KCNMA1: variants seen among roughly 807,000 people sequenced by gnomAD.
KCNMA1 encodes the protein potassium calcium-activated channel subfamily M alpha 1, also known as Calcium-activated potassium channel subunit alpha-1.
KCNMA1 carries 29 observed loss-of-function variants against 140.0 expected under a neutral mutation model. The ratio of observed to expected loss-of-function variants is 0.21; its 90% confidence interval spans 0.15 to 0.28. KCNMA1 has a LOEUF of 0.28. Ranked by LOEUF, KCNMA1 falls within the 10% of genes least tolerant of loss-of-function variation. The pLI, the probability that KCNMA1 is intolerant of heterozygous loss-of-function variation, is 1.00. For missense variants in KCNMA1, 880 were observed against 1,602.2 expected, an observed-to-expected ratio of 0.55 and a Z score of 7.70; for synonymous variants, 612 against 611.9, an observed-to-expected ratio of 1.00 and a Z score of 0.00.
At chr10:77,267,177 G>C (rs1012282917) in intron 2 of KCNMA1, among the ~76,000 whole-genome samples, 1 of 152,138 alleles carries the variant, frequency 6.6e-6, no homozygotes, top group African/African-American at 2.4e-5. Context: ...CTTCCCCCAT[G>C]GATGCTTGTT....
chr10:77,616,440 T>G (rs2089522897), intron 1 of KCNMA1, among the ~76,000 whole-genome samples: 1 of 152,192 alleles, frequency 6.6e-6, no homozygotes, highest in Admixed American at 6.5e-5. Context: ...CCCTCAGCAT[T>G]TAACACATGA....
chr10:76,890,598 A>C (rs1207444126), intron 26 of KCNMA1, among the ~76,000 whole-genome samples: 1 of 152,224 alleles, frequency 6.6e-6, no homozygotes, highest in Non-Finnish European at 1.5e-5. Context: ...CTGTTTCAGA[A>C]AAAACAGAGA....
intron 2 of KCNMA1, among the ~76,000 whole-genome samples, chr10:77,373,329 C>T (rs955618993): frequency 3.3e-5 from 5 of 152,182 alleles, no homozygotes; most frequent in Non-Finnish European, 5.9e-5. Context: ...GCAAGTCCCT[C>T]CCTCCCCTCT....
chr10:77,296,089 G>C lies in KCNMA1; in HGVS notation c.541-44833C>G, dbSNP rs374943036. Among the ~76,000 whole-genome samples the C allele has an allele frequency of 7.2e-5, 11 of 152,230 alleles. No homozygotes were observed. In the South Asian group the frequency reaches 1.5e-3, roughly 20 times the overall value. On this transcript the variant is annotated intron_variant, in intron 2 of 27. Coordinates refer to ENST00000286628, the MANE Select transcript of KCNMA1 (RefSeq NM_001161352.2). ...TAATCCCAAGAACCCATGAATATGT[G>C]ACCTTACATGGCAAAAGGGGTTTGC...
At chr10:77,004,028 A>G (rs767746606) in intron 18 of KCNMA1, among the ~76,000 whole-genome samples, 11 of 152,290 alleles carry the variant, frequency 7.2e-5, no homozygotes, top group Non-Finnish European at 1.0e-4. Flanking sequence ...ACAGGCTGAA[A>G]CTGGTAATCG....
intron 25 of KCNMA1, among the ~76,000 whole-genome samples, chr10:76,892,383 T>A (rs781142860): frequency 2.6e-5 from 4 of 152,148 alleles, no homozygotes; most frequent in Non-Finnish European, 5.9e-5. Flanking sequence ...AAGTGTACAT[T>A]TGTGTCACAT....
At chr10:77,346,010 C>T (rs2092056114) in intron 2 of KCNMA1, among the ~76,000 whole-genome samples, 1 of 152,202 alleles carries the variant, frequency 6.6e-6, no homozygotes, top group African/African-American at 2.4e-5. Context: ...ATACATACTC[C>T]CTTCCTGAAA....
chr10:76,949,171 G>C lies in KCNMA1; in HGVS notation c.2680C>G (p.His894Asp). The C allele has an allele frequency of 6.2e-7, 1 of 1,613,992 alleles. No homozygotes were observed. The highest frequency in any genetic ancestry group is 8.5e-7 in the Non-Finnish European group (1 of 1,179,834). ...AATATGGACACTTTGGGGAAGTTAT[G>C]AAGCGTCTCCCATTCCCGCTTGAGG... ...EYLKREWETL[H>D]NFPKVSILPG... Residue 894 changes from histidine (H) to aspartate (D), a missense_variant, in exon 22 of 28, where the codon CAT (histidine) becomes GAT (aspartate). Around this residue, in one of 13 missense-constraint regions of KCNMA1, gnomAD observed 82 missense variants for 170.1 expected, o/e 0.48. Coordinates refer to ENST00000286628, the MANE Select transcript of KCNMA1 (RefSeq NM_001161352.2).
chr10:77,347,731 T>A lies in KCNMA1; in HGVS notation c.540+56131A>T, dbSNP rs79131886. 2.3e-3 allele frequency among the ~76,000 whole-genome samples: 350 copies of A among 152,320 alleles called. 1 individual carries two copies. The highest frequency in any genetic ancestry group is 8.3e-3 in the African/African-American group (346 of 41,574). ...AGGATTCTTATACTACCCCATGCTC[T>A]ATGACATGATAAGAAGACAGTACCA... On this transcript the variant is annotated intron_variant, in intron 2 of 27. Transcript: ENST00000286628.
At chr10:77,329,135 C>T (rs565060276) in intron 2 of KCNMA1, among the ~76,000 whole-genome samples, 7 of 152,196 alleles carry the variant, frequency 4.6e-5, no homozygotes, top group South Asian at 2.1e-4. Flanking sequence ...CCACTGCGCC[C>T]GGTCAATATA....
intron 2 of KCNMA1, among the ~76,000 whole-genome samples, chr10:77,271,968 T>C (rs2065273428): frequency 6.6e-6 from 1 of 152,182 alleles, no homozygotes; most frequent in Non-Finnish European, 1.5e-5. Context: ...TTTCTCCTTA[T>C]TCAGGTCTGA....
At chr10:77,271,761 C>A (rs1016736161) in intron 2 of KCNMA1, among the ~76,000 whole-genome samples, 4 of 152,170 alleles carry the variant, frequency 2.6e-5, no homozygotes, top group African/African-American at 9.7e-5. Context: ...CAGCTCCCAG[C>A]CTTCTGGCTG....
At chr10:76,884,401 A>C (rs2035904819), downstream of KCNMA1, 1 of 152,098 alleles carries the variant, frequency 6.6e-6, no homozygotes, top group South Asian at 2.1e-4. Flanking sequence ...CAAATGGAAT[A>C]GCTGTAAATG....
At chr10:76,922,133 CTG>C (rs1424781239) in intron 23 of KCNMA1, among the ~76,000 whole-genome samples, 1 of 152,206 alleles carries the variant, frequency 6.6e-6, no homozygotes, top group Non-Finnish European at 1.5e-5. Flanking sequence ...ACAGATAATT[CTG>C]TGACTCCTGA....
At chr10:77,430,462 AT>A (rs1259875924) in intron 1 of KCNMA1, among the ~76,000 whole-genome samples, 4 of 152,188 alleles carry the variant, frequency 2.6e-5, no homozygotes, top group African/African-American at 9.7e-5. Context: ...TGTAGCCTTT[AT>A]CTCTTTTTCC....
chr10:77,541,086 A>G (rs752198611), intron 1 of KCNMA1, among the ~76,000 whole-genome samples: 2 of 152,176 alleles, frequency 1.3e-5, no homozygotes, highest in African/African-American at 4.8e-5. Flanking sequence ...AAGAAGAAAT[A>G]TGGAACAATT....
chr10:77,288,784 G>C (rs551324040), intron 2 of KCNMA1, among the ~76,000 whole-genome samples: 1 of 152,322 alleles, frequency 6.6e-6, no homozygotes, highest in African/African-American at 2.4e-5. Flanking sequence ...GAGGAGATCT[G>C]AGGCTTGAAA....
chr10:76,951,946 G>A, intron 21 of KCNMA1: 1 of 1,244,506 alleles, frequency 8.0e-7, no homozygotes, highest in African/African-American at 1.5e-5. Context: ...TGCATCTCCA[G>A]TAACTAGAAT....
chr10:77,344,106 A>C lies in KCNMA1; in HGVS notation c.540+59756T>G, dbSNP rs925357466. Among the ~76,000 whole-genome samples the C allele has an allele frequency of 3.3e-5, 5 of 152,242 alleles. No individual in the cohort carries two copies. The South Asian group carries it at 1.0e-3, about 32-fold the overall frequency. On this transcript the variant is annotated intron_variant, in intron 2 of 27. Coordinates refer to ENST00000286628, the MANE Select transcript of KCNMA1 (RefSeq NM_001161352.2). ...AGCCCAGAAGTGATGCACATCCCTT[A>C]GTGCCTCATGTCCTGCCTAACAGTG...
Sources: allele counts gnomAD v4.1 joint callset (sites outside exome capture counted in the v4.1 genomes callset), GRCh38; gene constraint gnomAD v4.1.1; regional missense constraint gnomAD v4.1.1; transcripts MANE v1.5; gene names NCBI Gene and HGNC (gene_info 2026-07-23, HGNC 2026-07-21).